DROSHA: variants seen among roughly 807,000 people sequenced by gnomAD.
DROSHA encodes ribonuclease 3.
In DROSHA, 56 loss-of-function variants were observed where a neutral mutation model predicts 181.9. The ratio of observed to expected loss-of-function variants is 0.31; its 90% confidence interval spans 0.25 to 0.38. The LOEUF is 0.38. Among genes scored for constraint, DROSHA ranks in the 10% least tolerant of loss-of-function variants. The pLI is 1.00. For synonymous variants in DROSHA, 524 were observed against 591.2 expected (o/e 0.89, Z 1.65); for missense variants, 1,218 against 1,743.5 (o/e 0.70, Z 5.37).
intron 16 of DROSHA, among the ~76,000 whole-genome samples, chr5:31,476,104 C>T (rs569902279): frequency 2.0e-5 from 3 of 152,180 alleles, no homozygotes; most frequent in East Asian, 3.8e-4. Flanking sequence ...GTAGCTCACG[C>T]CTGTAATCCC....
At chr5:31,466,910 C>G (rs117091563) in intron 18 of DROSHA, among the ~76,000 whole-genome samples, 1 of 152,132 alleles carries the variant, frequency 6.6e-6, no homozygotes, top group Non-Finnish European at 1.5e-5. Context: ...ACTGTCAAAG[C>G]GTCCTGGAAA....
intron 8 of DROSHA, among the ~76,000 whole-genome samples, chr5:31,512,014 A>C (rs1738750401): frequency 6.6e-6 from 1 of 152,072 alleles, no homozygotes; most frequent in Admixed American, 6.6e-5. Flanking sequence ...ACACAAACAC[A>C]TACCACAAAC....
Position 31,521,150 on chromosome 5 carries a change from T to G in DROSHA, c.920A>C (p.Tyr307Ser). 1 of 1,613,722 alleles carries G rather than the reference T, an allele frequency of 6.2e-7. No homozygotes were observed. Among genetic ancestry groups the G allele is most frequent in the Non-Finnish European group, 8.5e-7 (1 of 1,179,662 alleles). ...TCCAGATCTCTTATACTCTTTTTTG[T>G]AGGACCTTTCCAGAGATGGTGATCT... ...NRRSPSLERSYKKEYKRSGRS... is the reference protein window; with the variant it reads ...NRRSPSLERSSKKEYKRSGRS... Residue 307 changes from tyrosine (Y) to serine (S), a missense_variant, in exon 6 of 36, where the codon TAC (tyrosine) becomes TCC (serine). This residue lies in a region of DROSHA where 536 missense variants were observed against 535.4 expected (regional missense o/e 1.00). Transcript: ENST00000344624.
Position 31,526,113 on chromosome 5 carries a change from T to C in DROSHA, c.820A>G (p.Thr274Ala), listed in dbSNP as rs1561298650. The part of the protein sequence containing the change: ...RYRSDYDRGR[T>A]PSRHRSYERS... ...TCGTAGCTGCGGTGGCGAGATGGTG[T>C]TCTCCCTCGGTCATAATCAGATCTG... The change falls in exon 5 of 36, where the codon ACA becomes GCA. Residue 274 changes from threonine to alanine, a missense_variant. By Grantham distance (58) the Thr-to-Ala change is moderately conservative (BLOSUM62 0). This residue lies in a region of DROSHA where 536 missense variants were observed against 535.4 expected (regional missense o/e 1.00). Transcript: ENST00000344624. 6.2e-7 allele frequency: 1 copy of C among 1,601,394 alleles called. No homozygotes were observed. The highest frequency in any genetic ancestry group is 2.2e-5 in the East Asian group (1 of 44,530).
At chr5:31,477,781 T>A (rs1750573735) in intron 16 of DROSHA, among the ~76,000 whole-genome samples, 1 of 152,222 alleles carries the variant, frequency 6.6e-6, no homozygotes, top group Admixed American at 6.5e-5. Context: ...TTATACTCAG[T>A]CTAGTTCATA....
intron 10 of DROSHA, chr5:31,505,769 C>T (rs1265141320): frequency 6.6e-6 from 1 of 152,140 alleles, no homozygotes; most frequent in Non-Finnish European, 1.5e-5. Flanking sequence ...CCCACTGCTT[C>T]TTCACTTGAC....
At chr5:31,406,024 T>G (rs1158349863) in intron 34 of DROSHA, among the ~76,000 whole-genome samples, 2 of 152,122 alleles carry the variant, frequency 1.3e-5, no homozygotes, top group African/African-American at 4.8e-5. Flanking sequence ...TATTTCATAC[T>G]TAAGTTTGAA....
intron 5 of DROSHA, among the ~76,000 whole-genome samples, chr5:31,523,983 A>G (rs1740222604): frequency 6.6e-6 from 1 of 151,178 alleles, no homozygotes; most frequent in African/African-American, 2.4e-5. Flanking sequence ...CTCCAAAAAA[A>G]AAAAAAAAAA....
intron 5 of DROSHA, among the ~76,000 whole-genome samples, chr5:31,521,539 G>T (rs1270624096): frequency 6.6e-6 from 1 of 152,116 alleles, no homozygotes; most frequent in Non-Finnish European, 1.5e-5. Context: ...AACCTAGAGG[G>T]AAAACTCTAA....
At chr5:31,432,126 C>A (rs1456128162) in intron 25 of DROSHA, among the ~76,000 whole-genome samples, 1 of 151,206 alleles carries the variant, frequency 6.6e-6, no homozygotes, top group African/African-American at 2.4e-5. Context: ...CAGCACCATA[C>A]AAAACAGATT....
chr5:31,466,932 T>TGCAGTCCTTTATCAATTC (rs1749088858), intron 18 of DROSHA, among the ~76,000 whole-genome samples: 1 of 152,192 alleles, frequency 6.6e-6, no homozygotes, highest in Non-Finnish European at 1.5e-5. Flanking sequence ...GAAGCGAATA[T>TGCAGTCCTTTATCAATTC]GCAGTCCTTT....
In DROSHA at chr5:31,521,014, A is replaced by G. The variant is rs1249814382; in HGVS notation, c.947+109T>C. ...TTTAGCTTTTCACAGGTCATCTTGG[A>G]CAGACTCTGAGGCCATTATGAAGAC... On this transcript the variant is annotated intron_variant, in intron 6 of 35. Transcript: ENST00000344624. The G allele has an allele frequency of 7.7e-6, 8 of 1,034,506 alleles. No homozygotes were observed. The Admixed American group carries it at 1.6e-4, about 21-fold the overall frequency. The allele number at this position is 1,034,506 out of a possible 1,614,324, so 64.1% of individuals were successfully genotyped here.
chr5:31,477,399 G>C (rs1750514460), intron 16 of DROSHA, among the ~76,000 whole-genome samples: 1 of 152,074 alleles, frequency 6.6e-6, no homozygotes, highest in Non-Finnish European at 1.5e-5. Context: ...GTGTCTTCTG[G>C]ATATTCCTGC....
chr5:31,466,801 A>T (rs1326687050), intron 18 of DROSHA, among the ~76,000 whole-genome samples: 1 of 152,226 alleles, frequency 6.6e-6, no homozygotes, highest in East Asian at 1.9e-4. Context: ...ACTGGAGAGG[A>T]TAAAAGACTA....
intron 34 of DROSHA, among the ~76,000 whole-genome samples, chr5:31,406,069 A>T (rs375280121): frequency 2.6e-5 from 4 of 151,390 alleles, no homozygotes; most frequent in African/African-American, 7.3e-5. Flanking sequence ...GGAAAAGAAT[A>T]AAAAAAAATA....
chr5:31,510,648 G>C (rs6893718), intron 9 of DROSHA, among the ~76,000 whole-genome samples: 150,525 of 152,312 alleles, frequency 0.99, 74,408 homozygotes, highest in East Asian at 1. Flanking sequence ...CAGAGCTGGG[G>C]TACAGTCGCT....
At position 31,515,548 on chromosome 5, in the gene DROSHA, C is replaced by T. The variant is rs1281851758; in HGVS notation, c.964G>A (p.Val322Ile). 6.4e-7 allele frequency: 1 copy of T among 1,551,136 alleles called. No individual in the cohort carries two copies. The highest frequency in any genetic ancestry group is 8.7e-7 in the Non-Finnish European group (1 of 1,146,488). Residue 322 changes from valine (V) to isoleucine (I), a missense_variant, in exon 7 of 36, where the codon GTT becomes ATT. Val to Ile is a conservative substitution (Grantham distance 29). Coordinates refer to ENST00000344624, the MANE Select transcript of DROSHA (RefSeq NM_001382508.1). ...KRSGRSYGLSVVPEPAGCTPE... is the reference protein window; with the variant it reads ...KRSGRSYGLSIVPEPAGCTPE... ...GTGCATCCAGCAGGTTCAGGAACAA[C>T]CGATAAACCGTAACTCCTAAAAGAA...
At chr5:31,448,440 A>G in intron 23 of DROSHA, 107 bp downstream of exon 23, 1 of 1,001,728 alleles carries the variant, frequency 1.0e-6, no homozygotes, top group Non-Finnish European at 1.5e-6. Flanking sequence ...TGGATACACA[A>G]TTTTGTGAAC....
rs370116480 is a variant in DROSHA, at chr5:31,405,749, T to C, written c.3948-26A>G. The C allele has an allele frequency of 2.7e-4, 231 of 856,274 alleles. No individual in the cohort carries two copies. The African/African-American group carries it at 3.8e-3, about 14-fold the overall frequency. The allele number at this position is 856,274 out of a possible 1,614,324, so 53.0% of individuals were successfully genotyped here. ...CTATTAAATAAAATAAAGTAAGACA[T>C]ACTTTAATTTCAAGATTCTTTTTTT... On this transcript the variant is annotated intron_variant, in intron 34 of 35. Coordinates refer to ENST00000344624, the MANE Select transcript of DROSHA (RefSeq NM_001382508.1).
Sources: gnomAD v4.1 joint callset for allele counts (sites outside exome capture counted in the v4.1 genomes callset) on GRCh38, gnomAD v4.1.1 for gene constraint, gnomAD v4.1.1 regional missense constraint, MANE v1.5 for transcripts, NCBI Gene and HGNC (gene_info 2026-07-23, HGNC 2026-07-21) for gene names.